The following HLA-DMB variants were observed in gnomAD, a reference collection of about 807,000 sequenced individuals.
HLA-DMB encodes major histocompatibility complex, class II, DM beta.
Under a neutral mutation model 29.3 loss-of-function variants are expected in HLA-DMB, and 18 were observed. That is an observed-to-expected ratio of 0.62 (90% CI 0.43 to 0.91). The LOEUF (loss-of-function observed/expected upper bound fraction) is 0.91. Among genes scored for constraint, HLA-DMB ranks in the 40% least tolerant of loss-of-function variants. HLA-DMB has a pLI of 0.00. For synonymous variants in HLA-DMB, 143 were observed against 128.7 expected, an observed-to-expected ratio of 1.11 and a Z score of -0.75; for missense variants, 258 against 320.9, an observed-to-expected ratio of 0.80 and a Z score of 1.50.
rs987266097 is a variant in HLA-DMB at position 32,934,882 on chromosome 6, C to G, written c.*89G>C. 1.9e-5 allele frequency: 24 copies of G among 1,246,854 alleles called. No individual in the cohort carries two copies. Among genetic ancestry groups the G allele is most frequent in the Admixed American group, 1.5e-4 (9 of 58,656 alleles). The allele number at this position is 1,246,854 out of a possible 1,614,324, so 77.2% of individuals were successfully genotyped here. A position where few individuals can be genotyped will look rare whatever the true frequency, so the allele number is the denominator to read the frequency against. ...GAAACCATAGGATCCAAGATAATGT[C>G]AGGGGGTTGAAGATGTTGGAGAGGC... On this transcript the variant is annotated 3_prime_UTR_variant, in exon 6 of 6. Coordinates refer to ENST00000418107, the MANE Select transcript of HLA-DMB (RefSeq NM_002118.5).
rs1775955870 is a variant in HLA-DMB, at chr6:32,935,623, T to G, written c.652A>C (p.Lys218Gln). 6.2e-7 allele frequency: 1 copy of G among 1,612,786 alleles called. No individual in the cohort carries two copies. The highest frequency in any genetic ancestry group is 1.1e-5 in the South Asian group (1 of 91,058). Residue 218 changes from lysine to glutamine, a missense_variant, in exon 4 of 6, where the codon AAG (lysine) becomes CAG (glutamine). Transcript: ENST00000418107. ...AGAGTCACTGCAGACACAGAAACCTTCAGGGTCTGCATGGGGGACAGCCCA... is the reference window on the plus strand; with the variant it reads ...AGAGTCACTGCAGACACAGAAACCTGCAGGGTCTGCATGGGGGACAGCCCA... ...TPGLSPMQTL[K>Q]VSVSAVTLGL...
intron 1 of HLA-DMB, among the ~76,000 whole-genome samples, chr6:32,939,265 T>C (rs969823128): frequency 2.0e-5 from 3 of 152,172 alleles, no homozygotes; most frequent in Non-Finnish European, 2.9e-5. Context: ...TCTGGAACTT[T>C]TAGTCCCATC....
intron 4 of HLA-DMB, 29 bp downstream of exon 4, chr6:32,935,507 T>G: frequency 1.3e-6 from 2 of 1,568,210 alleles, no homozygotes; most frequent in Non-Finnish European, 1.8e-6. Flanking sequence ...GGACCAAGAG[T>G]GGGGATGGGA....
At chr6:32,939,073 A>C in intron 1 of HLA-DMB, 108 bp from the exon 2 acceptor site, 6 of 709,804 alleles carry the variant, frequency 8.5e-6, no homozygotes, top group Non-Finnish European at 9.7e-6. Context: ...TATATAAAAC[A>C]TACAGACGTA....
Position 32,935,403 on chromosome 6 carries a change from A to G in HLA-DMB, c.740-26T>C, listed in dbSNP as rs115136027. 1.2e-3 allele frequency: 1,924 copies of G among 1,594,016 alleles called. 26 individuals are homozygous for G. The African/African-American group carries it at 0.02, about 17-fold the overall frequency. ...CTAAGAGAGGAAGATACTTGATTAT[A>G]CCAGTCTTTGTGGATGAAAATATCT... On this transcript the variant is annotated intron_variant, in intron 4 of 5. Transcript: ENST00000418107.
chr6:32,938,197 A>G (rs1776121361), intron 2 of HLA-DMB: 1 of 155,542 alleles, frequency 6.4e-6, no homozygotes, highest in Non-Finnish European at 1.4e-5. Flanking sequence ...ATTCTGAGAA[A>G]GGTGGTTCAG....
chr6:32,940,509 A>T (rs1275526775), intron 1 of HLA-DMB, among the ~76,000 whole-genome samples: 1 of 152,232 alleles, frequency 6.6e-6, no homozygotes, highest in Non-Finnish European at 1.5e-5. Context: ...CTGTGCTAGG[A>T]GCTGAGGAGG....
chr6:32,938,676 C>T lies in HLA-DMB; in HGVS notation c.337+8G>A, dbSNP rs779893607. The T allele has an allele frequency of 1.1e-5, 16 of 1,495,300 alleles. No homozygotes were observed. The highest frequency in any genetic ancestry group is 1.0e-4 in the Admixed American group (5 of 48,492). 92.6% of individuals were successfully genotyped at this position (1,495,300 alleles called of 1,614,324 possible). On this transcript the variant is annotated splice_region_variant and intron_variant, in intron 2 of 5. Coordinates refer to ENST00000418107, the MANE Select transcript of HLA-DMB (RefSeq NM_002118.5). Reference sequence around the variant, plus strand: ...CCTGGTAGCCCCTCTGCACCCCTCTCTCCTCACGTGTCCTGTTGGTCAGTG... The same window carrying T: ...CCTGGTAGCCCCTCTGCACCCCTCTTTCCTCACGTGTCCTGTTGGTCAGTG...
chr6:32,938,646 C>T, intron 2 of HLA-DMB, 38 bp downstream of exon 2: 1 of 1,439,790 alleles, frequency 6.9e-7, no homozygotes, highest in South Asian at 1.5e-5. Flanking sequence ...CTCCTAACTG[C>T]ACTTCCTGGT....
At chr6:32,939,687 T>C (rs569464656) in intron 1 of HLA-DMB, among the ~76,000 whole-genome samples, 13 of 152,322 alleles carry the variant, frequency 8.5e-5, no homozygotes, top group South Asian at 2.1e-4. Context: ...CACTGTACAT[T>C]ACATGTACTA....
At position 32,935,371 on chromosome 6, in the gene HLA-DMB, G is replaced by A. The variant is rs372940202; in HGVS notation, c.746C>T (p.Thr249Ile). 1.5e-4 allele frequency: 246 copies of A among 1,610,144 alleles called. 2 individuals are homozygous for A. The East Asian group carries it at 4.6e-3, about 30-fold the overall frequency. ...SWRRAGHSSY[T>I]PLPGSNYSEG... is the part of the protein sequence containing the mutation. ...TGAATAATTGGACCCAGGAAGAGGA[G>A]TGTAACCTAAGAGAGGAAGATACTT... The change falls in exon 5 of 6, where the codon ACT becomes ATT. Residue 249 changes from threonine to isoleucine, a missense_variant. Transcript: ENST00000418107.
At position 32,938,793 on chromosome 6, in the gene HLA-DMB, G is replaced by A. The variant is rs1776167427; in HGVS notation, c.228C>T (p.Leu76=). 4.3e-6 allele frequency: 7 copies of A among 1,610,846 alleles called. No homozygotes were observed. Among genetic ancestry groups the A allele is most frequent in the Non-Finnish European group, 5.9e-6 (7 of 1,179,100 alleles). The part of the protein sequence containing the change: ...FGVLNSLANV[L]SQHLNQKDTL... ...TGTCTTTTTGGTTGAGGTGCTGTGA[G>A]AGGACATTCGCCAAGCTATTCAGCA... The change falls in exon 2 of 6, where the codon CTC becomes CTT. Residue 76 remains leucine, a synonymous_variant. Transcript: ENST00000418107.
chr6:32,938,723 G>C lies in HLA-DMB; in HGVS notation c.298C>G (p.His100Asp). 1 of 1,574,988 alleles carries C rather than the reference G, an allele frequency of 6.3e-7. No homozygotes were observed. The highest frequency in any genetic ancestry group is 8.6e-7 in the Non-Finnish European group (1 of 1,159,834). Residue 100 changes from histidine to aspartate, a missense_variant, in exon 2 of 6, where the codon CAC becomes GAC. Physicochemically the swap from His to Asp is moderately conservative, Grantham distance 81. Transcript: ENST00000418107. ...LRNGLQNCAT[H>D]TQPFWGSLTN... The stretch of plus-strand genomic sequence containing the variant: ...AGTGATCCCCAGAAGGGCTGGGTGT[G>C]TGTGGCACAATTCTGAAGCCCATTG...
rs10751 is a variant in HLA-DMB at position 32,934,806 on chromosome 6, G to A, written c.*165C>T. On this transcript the variant is annotated 3_prime_UTR_variant, in exon 6 of 6. Coordinates refer to ENST00000418107, the MANE Select transcript of HLA-DMB (RefSeq NM_002118.5). ...TAGTCCCAGGAATGAGGTCCCCCAA[G>A]TTGCTAAGTTTTACATAGGGGAGAC... 0.13 allele frequency: 90,853 copies of A among 688,032 alleles called. 6,804 individuals carry two copies. The highest frequency in any genetic ancestry group is 0.2 in the Middle Eastern group (789 of 3,886). 42.6% of individuals were successfully genotyped at this position (688,032 alleles called of 1,614,324 possible).
At chr6:32,938,582 T>G (rs772159241) in intron 2 of HLA-DMB, 102 bp downstream of exon 2, 1 of 1,159,748 alleles carries the variant, frequency 8.6e-7, no homozygotes, top group Non-Finnish European at 1.2e-6. Flanking sequence ...TTTCTCTTAT[T>G]TGCTGCTCAA....
rs1561868629 is a variant in HLA-DMB at position 32,940,994 on chromosome 6, T to C, written c.-187A>G. The C allele has an allele frequency of 3.7e-6, 2 of 538,428 alleles. No homozygotes were observed. The highest frequency in any genetic ancestry group is 6.7e-6 in the Non-Finnish European group (2 of 297,104). The allele number at this position is 538,428 out of a possible 1,614,324, so 33.4% of individuals were successfully genotyped here. A position where few individuals can be genotyped will look rare whatever the true frequency, so the allele number is the denominator to read the frequency against. ...TGTGGGGATACCCAGCCCCTAGATA[T>C]TAAATCTGTTCCTTCCAGCTCACGG... On this transcript the variant is annotated 5_prime_UTR_variant, in exon 1 of 6. Transcript: ENST00000418107.
At chr6:32,936,937 G>A (rs571535788) in intron 3 of HLA-DMB, 11 of 364,064 alleles carry the variant, frequency 3.0e-5, no homozygotes, top group Admixed American at 4.6e-5. Flanking sequence ...TGGTGCAAAA[G>A]TAATTGCGGT....
chr6:32,940,126 A>T (rs1331307401), intron 1 of HLA-DMB, among the ~76,000 whole-genome samples: 1 of 151,988 alleles, frequency 6.6e-6, no homozygotes, highest in Non-Finnish European at 1.5e-5. Context: ...GATTTTTCCT[A>T]TATTCAGCTC....
At position 32,940,737 on chromosome 6, in the gene HLA-DMB, G is replaced by A. The variant is rs567204284; in HGVS notation, c.55+16C>T. 3.7e-6 allele frequency: 6 copies of A among 1,600,642 alleles called. No individual in the cohort carries two copies. In the African/African-American group the frequency reaches 6.7e-5, roughly 18 times the overall value. ...GGAGCAGGGGAAGGGAGAGTCCCCA[G>A]AAGAAGTGTCCTTACCTGCTCCTGT... On this transcript the variant is annotated intron_variant, in intron 1 of 5. Coordinates refer to ENST00000418107, the MANE Select transcript of HLA-DMB (RefSeq NM_002118.5).
Sources: allele counts gnomAD v4.1 joint callset (sites outside exome capture counted in the v4.1 genomes callset), GRCh38; gene constraint gnomAD v4.1.1; transcripts MANE v1.5; gene names NCBI Gene and HGNC (gene_info 2026-07-23, HGNC 2026-07-21).